RFX1: variants seen among roughly 807,000 people sequenced by gnomAD.
RFX1 encodes MHC class II regulatory factor RFX1.
Under a neutral mutation model 119.6 loss-of-function variants are expected in RFX1, and 42 were observed. That is an observed-to-expected ratio of 0.35 (90% CI 0.27 to 0.45). RFX1 has a LOEUF of 0.45. Among genes scored for constraint, RFX1 ranks in the 20% least tolerant of loss-of-function variants. RFX1 has a pLI of 1.00. For synonymous variants in RFX1, 628 were observed against 618.5 expected (o/e 1.02, Z -0.23); for missense variants, 1,118 against 1,368.1 (o/e 0.82, Z 2.88).
chr19:13,979,978 A>T (rs1197157608), intron 6 of RFX1, among the ~76,000 whole-genome samples: 4 of 151,582 alleles, frequency 2.6e-5, no homozygotes, highest in Admixed American at 2.0e-4. Context: ...GCCTGGACCT[A>T]GGTCTGGAGG....
At chr19:13,967,612 G>A (rs1437178855) in intron 12 of RFX1, among the ~76,000 whole-genome samples, 1 of 151,954 alleles carries the variant, frequency 6.6e-6, no homozygotes, top group Non-Finnish European at 1.5e-5. Context: ...GAGTAGCTGG[G>A]ATTACAGGCA....
At chr19:13,997,148 G>C (rs1975057512) in intron 1 of RFX1, among the ~76,000 whole-genome samples, 1 of 152,192 alleles carries the variant, frequency 6.6e-6, no homozygotes, top group Non-Finnish European at 1.5e-5. Flanking sequence ...GAACTGGCAA[G>C]GGGGAAGCCG....
rs201064266 is a variant in RFX1 at position 13,972,916 on chromosome 19, C to T, written c.1141G>A (p.Gly381Arg). 4.9e-5 allele frequency: 78 copies of T among 1,596,212 alleles called. No individual in the cohort carries two copies. In the East Asian group the frequency reaches 5.6e-4, roughly 11 times the overall value. ...STGAGASNSS[G>R]GGGSGGGGGG... ...CCGCCACCACCACTGCCACCACCTC[C>T]GCTGCTGTTGCTGGCCCCAGCCCCA... Residue 381 changes from glycine to arginine, a missense_variant, in exon 9 of 21, where the codon GGA becomes AGA. By Grantham distance (125) the Gly-to-Arg change is moderately radical. Coordinates refer to ENST00000254325, the MANE Select transcript of RFX1 (RefSeq NM_002918.5).
chr19:13,994,899 T>TAC (rs1974948932), intron 1 of RFX1, among the ~76,000 whole-genome samples: 1 of 43,694 alleles, frequency 2.3e-5, no homozygotes, highest in Non-Finnish European at 4.6e-5. Context: ...CATACATATA[T>TAC]ATATATATAT....
chr19:13,976,669 G>T (rs1409210468), intron 8 of RFX1, among the ~76,000 whole-genome samples: 1 of 152,240 alleles, frequency 6.6e-6, no homozygotes, highest in Non-Finnish European at 1.5e-5. Context: ...AAGAAATAAG[G>T]TATGGATGGA....
chr19:13,989,535 TAGAG>T (rs57906004), intron 2 of RFX1, among the ~76,000 whole-genome samples: 16 of 146,438 alleles, frequency 1.1e-4, no homozygotes, highest in African/African-American at 3.7e-4. Flanking sequence ...ACACCCAGCT[TAGAG>T]AGAGAGAGAG....
chr19:13,979,818 G>C (rs1292510945), intron 6 of RFX1, among the ~76,000 whole-genome samples: 1 of 152,144 alleles, frequency 6.6e-6, no homozygotes, highest in Non-Finnish European at 1.5e-5. Flanking sequence ...GAACCCGCAG[G>C]CAAGGCCTTG....
intron 1 of RFX1, among the ~76,000 whole-genome samples, chr19:13,998,587 G>A (rs1317949091): frequency 6.6e-6 from 1 of 152,202 alleles, no homozygotes; most frequent in Non-Finnish European, 1.5e-5. Flanking sequence ...TCCAAGCCAG[G>A]TTGGGACAGA....
chr19:13,984,180 G>C (rs1165478903), intron 2 of RFX1, among the ~76,000 whole-genome samples: 2 of 151,810 alleles, frequency 1.3e-5, no homozygotes, highest in Non-Finnish European at 2.9e-5. Flanking sequence ...CAGCTGAGAA[G>C]AGACAATCAT....
In RFX1 at chr19:13,963,759, G is replaced by A. The variant is rs760146920; in HGVS notation, c.2362-13C>T. 3 of 1,549,150 alleles carry A rather than the reference G, an allele frequency of 1.9e-6. No individual in the cohort carries two copies. Among genetic ancestry groups the A allele is most frequent in the Middle Eastern group, 4.0e-4 (2 of 5,054 alleles). On this transcript the variant is annotated splice_polypyrimidine_tract_variant and intron_variant, in intron 17 of 20. Transcript: ENST00000254325. ...ACGAGGCCTGCTCCTGGGGCACAGA[G>A]GGTGGGCGGGCGCCCGGGGCTCAGC... is the stretch of plus-strand genomic sequence containing the variant.
At chr19:13,971,931 G>A (rs1974093412) in intron 9 of RFX1, among the ~76,000 whole-genome samples, 2 of 152,086 alleles carry the variant, frequency 1.3e-5, no homozygotes, top group South Asian at 2.1e-4. Flanking sequence ...ACTTGAACCC[G>A]GGAGGCGGAG....
chr19:13,986,418 C>T lies in RFX1; in HGVS notation c.320-2823G>A, dbSNP rs779796228. On this transcript the variant is annotated intron_variant, in intron 2 of 20. Coordinates refer to ENST00000254325, the MANE Select transcript of RFX1 (RefSeq NM_002918.5). This position sits in a 1 kb window ranked among gnomAD's most constrained non-coding sequence, Gnocchi z 4.2. ...CAGCCCAGGAGGGCGCCAGGGGATG[C>T]GCCACGAGGCTAACAGGTGAGCCTG... Among the ~76,000 whole-genome samples the T allele has an allele frequency of 1.3e-5, 2 of 152,178 alleles. No individual in the cohort carries two copies. Among genetic ancestry groups the T allele is most frequent in the Admixed American group, 6.5e-5 (1 of 15,280 alleles).
intron 8 of RFX1, among the ~76,000 whole-genome samples, chr19:13,976,983 G>A (rs1599489254): frequency 6.6e-6 from 1 of 150,614 alleles, no homozygotes; most frequent in Admixed American, 6.6e-5. Context: ...GCGACAGAGT[G>A]AGACCCTGTC....
intron 8 of RFX1, among the ~76,000 whole-genome samples, chr19:13,977,202 C>T (rs886427014): frequency 6.7e-5 from 10 of 149,798 alleles, no homozygotes; most frequent in African/African-American, 2.5e-4. Context: ...GGCTGAGACA[C>T]GAGAATCACT....
intron 4 of RFX1, among the ~76,000 whole-genome samples, chr19:13,982,516 G>A (rs961182325): frequency 5.3e-5 from 8 of 152,270 alleles, no homozygotes; most frequent in African/African-American, 1.7e-4. Context: ...AAACCCAATA[G>A]TCCTAGGCTG....
Position 13,962,386 on chromosome 19 carries a change from G to T in RFX1, c.*309C>A, listed in dbSNP as rs995655675. On this transcript the variant is annotated 3_prime_UTR_variant, in exon 21 of 21. Coordinates refer to ENST00000254325, the MANE Select transcript of RFX1 (RefSeq NM_002918.5). ...CCCCCTGGGGTGGTGGGAGGACGGG[G>T]CTGGGGAGAAGACGCTGGGGCCTGG... 2.1e-5 allele frequency: 9 copies of T among 438,118 alleles called. No individual in the cohort carries two copies. The highest frequency in any genetic ancestry group is 3.3e-5 in the Non-Finnish European group (8 of 245,276). The allele number at this position is 438,118 out of a possible 1,614,324, so 27.1% of individuals were successfully genotyped here.
At chr19:13,983,054 A>C (rs1974477615) in intron 4 of RFX1, 133 bp downstream of exon 4, 2 of 677,524 alleles carry the variant, frequency 3.0e-6, no homozygotes, top group Admixed American at 5.3e-5. Flanking sequence ...GCCCAGAGCC[A>C]GGAGGTAGGG....
rs189912016 is a variant in RFX1, at chr19:13,993,798, A to C, written c.46T>G (p.Ser16Ala). ...TGTGGCGGGGCCTGTGGCGGCTGGGATGGTGGCGGGGCTGCCTGTAGCTCA... is the reference window on the plus strand; with the variant it reads ...TGTGGCGGGGCCTGTGGCGGCTGGGCTGGTGGCGGGGCTGCCTGTAGCTCA... ...YTELQAAPPP[S>A]QPPQAPPQAQ... is the part of the protein sequence containing the mutation. The change falls in exon 2 of 21, where the codon TCC becomes GCC. Residue 16 changes from serine (S) to alanine (A), a missense_variant. Physicochemically the swap from Ser to Ala is moderately conservative, Grantham distance 99. This residue lies in a region of RFX1 where 542 missense variants were observed against 602.7 expected (regional missense o/e 0.90). Transcript: ENST00000254325. 1.3e-6 allele frequency: 2 copies of C among 1,576,072 alleles called. No homozygotes were observed. Among genetic ancestry groups the C allele is most frequent in the Admixed American group, 3.6e-5 (2 of 56,158 alleles).
At chr19:13,987,362 G>A (rs1974636407) in intron 2 of RFX1, among the ~76,000 whole-genome samples, 2 of 152,132 alleles carry the variant, frequency 1.3e-5, no homozygotes, top group Non-Finnish European at 2.9e-5. Flanking sequence ...CAGGGACCGG[G>A]GCTGGGTGAG....
Sources: allele counts gnomAD v4.1 joint callset (sites outside exome capture counted in the v4.1 genomes callset), GRCh38; gene constraint gnomAD v4.1.1; regional missense constraint gnomAD v4.1.1; non-coding constraint Gnocchi (gnomAD v3.1); transcripts MANE v1.5; gene names NCBI Gene and HGNC (gene_info 2026-07-23, HGNC 2026-07-21).